Variants in TNFRSF19 observed in about 807,000 individuals in gnomAD.
The protein encoded by TNFRSF19 is TNF receptor superfamily member 19.
In TNFRSF19, 27 loss-of-function variants were observed where a neutral mutation model predicts 46.4. That is an observed-to-expected ratio of 0.58 (90% CI 0.43 to 0.80). The LOEUF (loss-of-function observed/expected upper bound fraction) is 0.80, where lower values mean the gene tolerates loss of function less well. TNFRSF19 is among the 30% of genes least tolerant of loss of function. The pLI, the probability that TNFRSF19 is intolerant of heterozygous loss-of-function variation, is 0.00. For missense variants in TNFRSF19, 511 were observed against 530.8 expected (o/e 0.96, Z 0.37); for synonymous variants, 204 against 205.0 (o/e 1.00, Z 0.04).
In TNFRSF19 at chr13:23,593,383, G is replaced by T; in HGVS notation, c.108G>T (p.Gln36His). The change falls in exon 3 of 10, where the codon CAG (glutamine) becomes CAT (histidine). Residue 36 changes from glutamine to histidine, a missense_variant. This residue lies in a region of TNFRSF19 where 121 missense variants were observed against 124.1 expected (regional missense o/e 0.98). Transcript: ENST00000248484. ...KVTCESGDCRQQEFRDRSGNC... is the reference protein window; with the variant it reads ...KVTCESGDCRHQEFRDRSGNC... The stretch of plus-strand genomic sequence containing the variant: ...CTTGTGAATCAGGAGACTGTAGACA[G>T]CAAGAATTCAGGGATCGGTCTGGAA... 3.8e-6 allele frequency: 6 copies of T among 1,598,184 alleles called. No individual in the cohort carries two copies. The highest frequency in any genetic ancestry group is 5.1e-6 in the Non-Finnish European group (6 of 1,175,970).
chr13:23,653,489 G>A (rs116051815), intron 5 of TNFRSF19, among the ~76,000 whole-genome samples: 149 of 152,312 alleles, frequency 9.8e-4, no homozygotes, highest in African/African-American at 3.5e-3. Flanking sequence ...GTGCTGGGGA[G>A]AAACTGCAAT....
At chr13:23,587,224 T>TTTTAAATA (rs1282076622) in intron 1 of TNFRSF19, among the ~76,000 whole-genome samples, 1 of 152,220 alleles carries the variant, frequency 6.6e-6, no homozygotes, top group Non-Finnish European at 1.5e-5. Context: ...CTTATTTTTA[T>TTTTAAATA]TTTAAATATT....
At chr13:23,585,427 T>G (rs1168794761) in intron 1 of TNFRSF19, 2 of 152,254 alleles carry the variant, frequency 1.3e-5, no homozygotes, top group African/African-American at 4.8e-5. Flanking sequence ...ATAATTTTCT[T>G]TCTAATTATC....
At chr13:23,669,805 C>T (rs758813735) in intron 9 of TNFRSF19, 2 of 748,438 alleles carry the variant, frequency 2.7e-6, no homozygotes, top group African/African-American at 3.8e-5. Context: ...GAGGATGTGG[C>T]CTTTGCTGAA....
intron 7 of TNFRSF19, among the ~76,000 whole-genome samples, chr13:23,667,343 C>T (rs191358057): frequency 9.2e-5 from 14 of 152,262 alleles, no homozygotes; most frequent in Non-Finnish European, 1.6e-4. Flanking sequence ...GTGCACATAT[C>T]TACTTATTCC....
rs576193452 is a variant in TNFRSF19 at position 23,647,321 on chromosome 13, T to TG, written c.446-11728dup. On this transcript the variant is annotated intron_variant, in intron 5 of 9. Coordinates refer to ENST00000248484, the MANE Select transcript of TNFRSF19 (RefSeq NM_148957.4). ...GTATCTATTGTTTTCTTCTGTTTTCTGTGCTTTTGTTGTATATTTAAGAAA... is the reference window on the plus strand; with the variant it reads ...GTATCTATTGTTTTCTTCTGTTTTCTGGTGCTTTTGTTGTATATTTAAGAAA... Among the ~76,000 whole-genome samples the TG allele has an allele frequency of 2.1e-3, 321 of 152,348 alleles. 1 individual carries two copies. The highest frequency in any genetic ancestry group is 6.5e-3 in the African/African-American group (271 of 41,574).
chr13:23,570,428 AAC>A lies in TNFRSF19; in HGVS notation c.-449_-448del, dbSNP rs1877569804. The A allele has an allele frequency of 1.3e-5, 2 of 152,366 alleles. No homozygotes were observed. Among genetic ancestry groups the A allele is most frequent in the South Asian group, 2.1e-4 (1 of 4,832 alleles). 9.4% of individuals were successfully genotyped at this position (152,366 alleles called of 1,614,324 possible). A position where few individuals can be genotyped will look rare whatever the true frequency, so the allele number is the denominator to read the frequency against. On this transcript the variant is annotated 5_prime_UTR_variant, in exon 1 of 10. Transcript: ENST00000248484. ...CCCGCTGGCACTAGGAAAAGCTTCC[AAC>A]ACACAGTCCACAACACAGCTTGGGA... is the stretch of plus-strand genomic sequence containing the variant.
intron 5 of TNFRSF19, among the ~76,000 whole-genome samples, chr13:23,646,708 T>C (rs1318933303): frequency 1.3e-5 from 2 of 152,236 alleles, no homozygotes; most frequent in Non-Finnish European, 2.9e-5. Flanking sequence ...CTGGGTTGTT[T>C]CCACCTTTTG....
intron 3 of TNFRSF19, 152 bp downstream of exon 3, chr13:23,593,607 CT>C: frequency 1.6e-6 from 1 of 626,922 alleles, no homozygotes; most frequent in Non-Finnish European, 2.8e-6. Context: ...CATACAATTC[CT>C]TTTTTAATAC....
At chr13:23,614,296 A>G (rs1881103014) in intron 3 of TNFRSF19, among the ~76,000 whole-genome samples, 1 of 152,218 alleles carries the variant, frequency 6.6e-6, no homozygotes, top group Admixed American at 6.5e-5. Flanking sequence ...GTTAATTAGT[A>G]AAAATCTAGA....
chr13:23,593,707 G>A (rs550367045), intron 3 of TNFRSF19, among the ~76,000 whole-genome samples: 37 of 152,244 alleles, frequency 2.4e-4, no homozygotes, highest in Admixed American at 1.6e-3. Flanking sequence ...AAAATTTGTA[G>A]TGTTTCACTA....
chr13:23,603,615 C>G (rs1156739892), intron 3 of TNFRSF19, among the ~76,000 whole-genome samples: 1 of 151,966 alleles, frequency 6.6e-6, no homozygotes, highest in African/African-American at 2.4e-5. Context: ...AAAAATCACA[C>G]ACTGTGACAA....
intron 1 of TNFRSF19, among the ~76,000 whole-genome samples, chr13:23,579,781 G>A (rs7320794): frequency 0.044 from 6,664 of 152,146 alleles, 489 homozygotes; most frequent in African/African-American, 0.15. Flanking sequence ...GGGTCCCCGC[G>A]GGCGACGCGA....
At chr13:23,642,886 G>A (rs1212835264) in intron 5 of TNFRSF19, among the ~76,000 whole-genome samples, 3 of 152,218 alleles carry the variant, frequency 2.0e-5, no homozygotes, top group African/African-American at 7.2e-5. Context: ...TCAGGTTCAT[G>A]TAAGCCAACT....
intron 4 of TNFRSF19, among the ~76,000 whole-genome samples, chr13:23,616,402 T>C (rs9550995): frequency 0.29 from 44,429 of 152,052 alleles, 7,151 homozygotes; most frequent in Middle Eastern, 0.42. Context: ...CCTCTGACAA[T>C]GTTCACCCTC....
chr13:23,625,965 A>T (rs901585695), intron 4 of TNFRSF19, among the ~76,000 whole-genome samples: 2 of 152,204 alleles, frequency 1.3e-5, no homozygotes, highest in Non-Finnish European at 2.9e-5. Context: ...TAATTATGAA[A>T]TTTTTAAATT....
At chr13:23,601,257 G>A (rs1009877013) in intron 3 of TNFRSF19, among the ~76,000 whole-genome samples, 11 of 152,140 alleles carry the variant, frequency 7.2e-5, no homozygotes, top group African/African-American at 2.6e-4. Context: ...GGAAAAAAAC[G>A]CCATATGTAC....
chr13:23,648,662 A>G (rs1883465269), intron 5 of TNFRSF19, among the ~76,000 whole-genome samples: 1 of 152,074 alleles, frequency 6.6e-6, no homozygotes. Flanking sequence ...TGTCTTCTTG[A>G]TCTTGGGGGA....
chr13:23,599,172 T>A (rs1205604648), intron 3 of TNFRSF19, among the ~76,000 whole-genome samples: 2 of 152,230 alleles, frequency 1.3e-5, no homozygotes, highest in Non-Finnish European at 2.9e-5. Flanking sequence ...TTTCAACCCC[T>A]GTTGATTACA....
Sources: allele counts gnomAD v4.1 joint callset (sites outside exome capture counted in the v4.1 genomes callset), GRCh38; gene constraint gnomAD v4.1.1; regional missense constraint gnomAD v4.1.1; transcripts MANE v1.5; gene names NCBI Gene and HGNC (gene_info 2026-07-23, HGNC 2026-07-21).